The following COBL variants were observed in gnomAD, a reference collection of about 807,000 sequenced individuals.
The protein encoded by COBL is protein cordon-bleu.
COBL carries 51 observed loss-of-function variants against 98.8 expected under a neutral mutation model. The observed-to-expected ratio is 0.52, with a 90% CI of 0.41 to 0.65. The LOEUF is 0.65. Ranked by LOEUF, COBL falls within the 30% of genes least tolerant of loss-of-function variation. The pLI, the probability that COBL is intolerant of heterozygous loss-of-function variation, is 0.00. For synonymous variants in COBL, 634 were observed against 651.7 expected (o/e 0.97, Z 0.41); for missense variants, 1,617 against 1,617.5 (o/e 1.00, Z 0.01).
intron 1 of COBL, among the ~76,000 whole-genome samples, chr7:51,292,217 C>T (rs1013896660): frequency 3.3e-5 from 5 of 151,310 alleles, no homozygotes; most frequent in Admixed American, 1.3e-4. Flanking sequence ...TGGACCCATA[C>T]GATTTCTTTA....
At chr7:51,164,834 G>C (rs561195568) in intron 5 of COBL, among the ~76,000 whole-genome samples, 64 of 151,966 alleles carry the variant, frequency 4.2e-4, no homozygotes, top group Non-Finnish European at 8.0e-4. Flanking sequence ...AGTACAATAA[G>C]ATATAAATAG....
chr7:51,027,716 C>A lies in COBL; in HGVS notation c.3380G>T (p.Arg1127Leu), dbSNP rs772715307. The part of the protein sequence containing the change: ...IHSAGGKDRL[R>L]KTAEHTGEGR... ...CCCGGAAGCCGCCATCCTCACCTTG[C>A]GTAGTCTGTCCTTCCCTCCCGCAGA... Residue 1127 changes from arginine to leucine, a missense_variant, in exon 10 of 13, where the codon CGC (arginine) becomes CTC (leucine). Coordinates refer to ENST00000265136, the MANE Select transcript of COBL (RefSeq NM_015198.5). The A allele has an allele frequency of 2.1e-5, 34 of 1,611,062 alleles. No individual in the cohort carries two copies. The South Asian group carries it at 2.3e-4, about 11-fold the overall frequency.
intron 2 of COBL, among the ~76,000 whole-genome samples, chr7:51,200,828 C>T (rs570130801): frequency 5.3e-5 from 8 of 151,940 alleles, no homozygotes; most frequent in South Asian, 2.1e-4. Context: ...AAAGAAATAC[C>T]GTAGATGAAC....
intron 1 of COBL, among the ~76,000 whole-genome samples, chr7:51,258,310 ATT>A: frequency 6.6e-6 from 1 of 152,312 alleles, no homozygotes; most frequent in South Asian, 2.1e-4. Context: ...GAATCTCCAG[ATT>A]CAATTATGTC....
At chr7:51,118,078 C>G (rs1401647114) in intron 6 of COBL, among the ~76,000 whole-genome samples, 1 of 152,182 alleles carries the variant, frequency 6.6e-6, no homozygotes, top group Non-Finnish European at 1.5e-5. Flanking sequence ...TCCTCACTTT[C>G]CAGAGGGCGG....
chr7:51,296,792 T>C (rs1475369500), intron 1 of COBL, among the ~76,000 whole-genome samples: 2 of 152,202 alleles, frequency 1.3e-5, no homozygotes, highest in Non-Finnish European at 2.9e-5. Flanking sequence ...GGTTAAACCA[T>C]GTGAAGTGCG....
At chr7:51,258,448 T>G (rs963139779) in intron 1 of COBL, among the ~76,000 whole-genome samples, 2 of 152,208 alleles carry the variant, frequency 1.3e-5, no homozygotes, top group Non-Finnish European at 2.9e-5. Flanking sequence ...CTCCATGGAA[T>G]GTACTGATTT....
chr7:51,219,682 T>C (rs1793425351), intron 2 of COBL, 59 bp downstream of exon 2: 2 of 1,546,898 alleles, frequency 1.3e-6, no homozygotes, highest in Admixed American at 1.8e-5. Flanking sequence ...GCCTTTCCAT[T>C]CTCCCCGCTA....
chr7:51,304,551 G>A (rs528984912), intron 1 of COBL, among the ~76,000 whole-genome samples: 74 of 152,308 alleles, frequency 4.9e-4, no homozygotes, highest in Non-Finnish European at 6.8e-4. Context: ...GGCATTGGCC[G>A]CATTTCTACC....
At chr7:51,209,874 T>C (rs1471616489) in intron 2 of COBL, among the ~76,000 whole-genome samples, 1 of 152,156 alleles carries the variant, frequency 6.6e-6, no homozygotes, top group African/African-American at 2.4e-5. Flanking sequence ...ATTACACGAA[T>C]GCAACTACTG....
Position 51,151,885 on chromosome 7 carries a change from G to A in COBL, c.784-15554C>T, listed in dbSNP as rs563922257. Among the ~76,000 whole-genome samples the A allele has an allele frequency of 2.3e-4, 35 of 152,298 alleles. No individual in the cohort carries two copies. In the East Asian group the frequency reaches 2.7e-3, roughly 12 times the overall value. On this transcript the variant is annotated intron_variant, in intron 5 of 12. Coordinates refer to ENST00000265136, the MANE Select transcript of COBL (RefSeq NM_015198.5). ...GAGACCCCACGGACAAGCCAGGGTC[G>A]CCCACCAGCTGTTCACCAATGGCCA... is the stretch of plus-strand genomic sequence containing the variant.
chr7:51,257,397 T>C (rs541600433), intron 1 of COBL, among the ~76,000 whole-genome samples: 15 of 152,270 alleles, frequency 9.9e-5, no homozygotes, highest in Admixed American at 9.2e-4. Flanking sequence ...TGACTGAGGA[T>C]AAACGATAGC....
At chr7:51,182,042 T>A (rs187287984) in intron 5 of COBL, among the ~76,000 whole-genome samples, 1 of 152,170 alleles carries the variant, frequency 6.6e-6, no homozygotes, top group Admixed American at 6.5e-5. Context: ...TTTTACTTGG[T>A]TTTTCTGGCC....
At chr7:51,093,853 C>T (rs569115425) in intron 6 of COBL, among the ~76,000 whole-genome samples, 1 of 151,474 alleles carries the variant, frequency 6.6e-6, no homozygotes, top group East Asian at 1.9e-4. Flanking sequence ...ATGATGATAT[C>T]ACTGCATTCC....
At chr7:51,102,897 G>C (rs139233470) in intron 6 of COBL, among the ~76,000 whole-genome samples, 1 of 152,182 alleles carries the variant, frequency 6.6e-6, no homozygotes, top group African/African-American at 2.4e-5. Context: ...GTTGCCAGGC[G>C]ATGAGGGGAA....
chr7:51,219,120 C>T (rs534704089), intron 2 of COBL, among the ~76,000 whole-genome samples: 10 of 152,224 alleles, frequency 6.6e-5, no homozygotes, highest in East Asian at 1.9e-4. Flanking sequence ...ATGTTTCAGC[C>T]GCACCTTTTG....
At position 51,262,454 on chromosome 7, in the gene COBL, C is replaced by T. The variant is rs144343742; in HGVS notation, c.42-42510G>A. Among the ~76,000 whole-genome samples, 683 of 152,264 alleles carry T rather than the reference C, an allele frequency of 4.5e-3. 4 individuals carry two copies. Among genetic ancestry groups the T allele is most frequent in the Non-Finnish European group, 8.0e-3 (544 of 68,028 alleles). The stretch of plus-strand genomic sequence containing the variant: ...TAGGACCATACAAACAGTTCCACAG[C>T]GAGGTGGCCATGGGAAAGGACTCCT... On this transcript the variant is annotated intron_variant, in intron 1 of 12. Transcript: ENST00000265136.
chr7:51,059,948 G>C (rs1292197225), intron 7 of COBL, among the ~76,000 whole-genome samples: 2 of 152,030 alleles, frequency 1.3e-5, no homozygotes. Context: ...GCCTGTGTAG[G>C]ATTGAAATGG....
chr7:51,277,421 G>C (rs1799408455), intron 1 of COBL, among the ~76,000 whole-genome samples: 1 of 152,206 alleles, frequency 6.6e-6, no homozygotes, highest in Admixed American at 6.5e-5. Context: ...TCTAGCTGAA[G>C]ACGACGTGGG....
Sources: gnomAD v4.1 joint callset for allele counts (sites outside exome capture counted in the v4.1 genomes callset) on GRCh38, gnomAD v4.1.1 for gene constraint, MANE v1.5 for transcripts, NCBI Gene and HGNC (gene_info 2026-07-23, HGNC 2026-07-21) for gene names.